KALRN: variants seen among roughly 807,000 people sequenced by gnomAD.
The protein encoded by KALRN is kalirin.
Under a neutral mutation model 353.7 loss-of-function variants are expected in KALRN, and 70 were observed. The observed-to-expected ratio is 0.20, with a 90% CI of 0.16 to 0.24. KALRN has a LOEUF of 0.24. KALRN is among the 10% of genes least tolerant of loss of function. The pLI is 1.00. For missense variants in KALRN, 2,791 were observed against 3,756.7 expected, an observed-to-expected ratio of 0.74 and a Z score of 6.72; for synonymous variants, 1,391 against 1,434.8, an observed-to-expected ratio of 0.97 and a Z score of 0.69.
At chr3:124,366,688 TCATCCTGGC>T (rs1204321430) in intron 10 of KALRN, among the ~76,000 whole-genome samples, 2 of 152,170 alleles carry the variant, frequency 1.3e-5, no homozygotes, top group East Asian at 3.9e-4. Context: ...ACCGCCATTG[TCATCCTGGC>T]CCGTTCTCAA....
At chr3:124,152,245 A>G (rs2149904639) in intron 1 of KALRN, 1 of 1,563,904 alleles carries the variant, frequency 6.4e-7, no homozygotes, top group Admixed American at 1.7e-5. Flanking sequence ...TAGTTCATTT[A>G]CTGACTTCAG....
At chr3:124,044,019 C>T (rs17377055) in intron 1 of KALRN, among the ~76,000 whole-genome samples, 12,956 of 152,058 alleles carry the variant, frequency 0.085, 580 homozygotes, top group Middle Eastern at 0.13. Flanking sequence ...TTCCAGTTTC[C>T]GTAGTGTCTC....
At chr3:124,696,396 G>T in intron 54 of KALRN, 141 bp downstream of exon 54, 1 of 610,062 alleles carries the variant, frequency 1.6e-6, no homozygotes. Context: ...TCAGCCTCCC[G>T]ATTAGCTGGA....
intron 33 of KALRN, 129 bp downstream of exon 33, chr3:124,496,542 A>G (rs1164795103): frequency 1.5e-6 from 1 of 688,746 alleles, no homozygotes; most frequent in Non-Finnish European, 2.6e-6. Flanking sequence ...TCTTTGTGCC[A>G]GCCAAGGAGG....
At chr3:124,157,353 C>A (rs1451092365) in intron 1 of KALRN, among the ~76,000 whole-genome samples, 1 of 152,208 alleles carries the variant, frequency 6.6e-6, no homozygotes, top group Non-Finnish European at 1.5e-5. Context: ...TCCAATTTCA[C>A]TTCCTAATTG....
chr3:124,368,442 G>A (rs1158850016), intron 10 of KALRN, among the ~76,000 whole-genome samples: 1 of 148,656 alleles, frequency 6.7e-6, no homozygotes, highest in Non-Finnish European at 1.5e-5. Flanking sequence ...GGGCAGAGGC[G>A]CTCCGCACAT....
At chr3:124,224,875 G>A (rs577247687) in intron 1 of KALRN, among the ~76,000 whole-genome samples, 1 of 152,290 alleles carries the variant, frequency 6.6e-6, no homozygotes, top group South Asian at 2.1e-4. Context: ...TAGTACCCTG[G>A]AGGGCATCTA....
chr3:124,062,732 C>G (rs1175607775), intron 1 of KALRN, among the ~76,000 whole-genome samples: 1 of 152,114 alleles, frequency 6.6e-6, no homozygotes, highest in Non-Finnish European at 1.5e-5. Flanking sequence ...AAGGAGAATA[C>G]TGTGAAAGGA....
At position 124,438,949 on chromosome 3, in the gene KALRN, G is replaced by T; in HGVS notation, c.3110G>T (p.Gly1037Val). ...CGGAGAGATGAGGACTGGTGTGGTG[G>T]ACGAGATAAGCTGGGGCCAGCAGCA... ...EYRRDEDWCG[G>V]RDKLGPAAEI... Residue 1037 changes from glycine (G) to valine (V), a missense_variant, in exon 18 of 60, where the codon GGA becomes GTA. This residue lies in a region of KALRN where 452 missense variants were observed against 575.8 expected (regional missense o/e 0.78). Transcript: ENST00000682506. 2 of 1,614,142 alleles carry T rather than the reference G, an allele frequency of 1.2e-6. No individual in the cohort carries two copies. The highest frequency in any genetic ancestry group is 1.7e-6 in the Non-Finnish European group (2 of 1,180,014).
intron 1 of KALRN, among the ~76,000 whole-genome samples, chr3:124,196,181 C>A (rs563482198): frequency 6.6e-6 from 1 of 152,232 alleles, no homozygotes; most frequent in South Asian, 2.1e-4. Context: ...TAATTCCTGG[C>A]CCTTATTAGG....
chr3:124,486,485 C>G (rs1365892455), intron 28 of KALRN, among the ~76,000 whole-genome samples: 2 of 152,174 alleles, frequency 1.3e-5, no homozygotes, highest in African/African-American at 4.8e-5. Context: ...AAGCTGAGCA[C>G]TGATCACTTC....
chr3:124,573,775 T>A (rs2073804054), intron 34 of KALRN, among the ~76,000 whole-genome samples: 1 of 152,198 alleles, frequency 6.6e-6, no homozygotes, highest in African/African-American at 2.4e-5. Flanking sequence ...CAACAGCAGG[T>A]CCATCTGGCT....
At chr3:124,462,845 C>T (rs1305879120) in intron 25 of KALRN, among the ~76,000 whole-genome samples, 1 of 152,190 alleles carries the variant, frequency 6.6e-6, no homozygotes, top group Admixed American at 6.5e-5. Flanking sequence ...AGCAGTGCTC[C>T]TCCCCATCTC....
chr3:124,154,881 C>A (rs2149948907), intron 1 of KALRN, among the ~76,000 whole-genome samples: 1 of 152,256 alleles, frequency 6.6e-6, no homozygotes, highest in Non-Finnish European at 1.5e-5. Flanking sequence ...CTACAGTAAC[C>A]AAAACAGCAT....
chr3:124,147,924 A>G (rs1578614357), intron 1 of KALRN, among the ~76,000 whole-genome samples: 1 of 152,298 alleles, frequency 6.6e-6, no homozygotes, highest in Admixed American at 6.5e-5. Flanking sequence ...TGAATGTTTG[A>G]TTCAGAGCGT....
At chr3:124,277,293 T>C (rs1318215481) in intron 5 of KALRN, among the ~76,000 whole-genome samples, 1 of 152,132 alleles carries the variant, frequency 6.6e-6, no homozygotes, top group Non-Finnish European at 1.5e-5. Context: ...TTTCCTGCTT[T>C]TTTTGGAGAA....
chr3:124,452,181 G>A (rs2058850722), intron 21 of KALRN, among the ~76,000 whole-genome samples: 1 of 152,194 alleles, frequency 6.6e-6, no homozygotes, highest in Non-Finnish European at 1.5e-5. Context: ...AATACTCCCA[G>A]TGGGGACCAT....
rs1000413103 is a variant in KALRN at position 124,624,269 on chromosome 3, G to A, written c.5183-8151G>A. Among the ~76,000 whole-genome samples, 10 of 152,136 alleles carry A rather than the reference G, an allele frequency of 6.6e-5. No individual in the cohort carries two copies. In the South Asian group the frequency reaches 8.3e-4, roughly 13 times the overall value. On this transcript the variant is annotated intron_variant, in intron 34 of 59. Transcript: ENST00000682506. ...TGCAGTGCTTGCGTTCAAGTTACCC[G>A]TATTTTACTAAATGATGGCTCCCAA... is the stretch of plus-strand genomic sequence containing the variant.
At chr3:124,590,822 C>CA (rs764082888) in intron 34 of KALRN, among the ~76,000 whole-genome samples, 1 of 152,158 alleles carries the variant, frequency 6.6e-6, no homozygotes, top group Non-Finnish European at 1.5e-5. Flanking sequence ...TGGAAAGCTA[C>CA]AGCCAGAAGG....
Sources: allele counts gnomAD v4.1 joint callset (sites outside exome capture counted in the v4.1 genomes callset), GRCh38; gene constraint gnomAD v4.1.1; regional missense constraint gnomAD v4.1.1; transcripts MANE v1.5; gene names NCBI Gene and HGNC (gene_info 2026-07-23, HGNC 2026-07-21).